Variants in SNX29 observed in about 807,000 individuals in gnomAD.
SNX29 encodes the protein sorting nexin 29.
Under a neutral mutation model 102.1 loss-of-function variants are expected in SNX29, and 78 were observed. The ratio of observed to expected loss-of-function variants is 0.76; its 90% CI spans 0.64 to 0.92. The LOEUF is 0.92. Among genes scored for constraint, SNX29 ranks in the 40% least tolerant of loss-of-function variants. The pLI, the probability that SNX29 is intolerant of heterozygous loss-of-function variation, is 0.00. For missense variants in SNX29, 1,280 were observed against 1,061.7 expected (o/e 1.21, Z -2.86); for synonymous variants, 580 against 414.5 (o/e 1.40, Z -4.85).
At chr16:12,061,401 C>G in intron 8 of SNX29, 127 bp from the exon 9 acceptor site, 1 of 708,410 alleles carries the variant, frequency 1.4e-6, no homozygotes, top group Non-Finnish European at 2.4e-6. Context: ...CCAGCCCACA[C>G]CTCCTTCTGT....
intron 3 of SNX29, among the ~76,000 whole-genome samples, chr16:12,007,986 C>G (rs1044771829): frequency 2.5e-4 from 38 of 152,198 alleles, no homozygotes; most frequent in African/African-American, 8.9e-4. Flanking sequence ...CTCTGTCACC[C>G]AGGCCGGAGT....
intron 15 of SNX29, among the ~76,000 whole-genome samples, chr16:12,299,779 A>ATTT (rs61233917): frequency 7.6e-6 from 1 of 131,328 alleles, no homozygotes; most frequent in Non-Finnish European, 1.7e-5. Flanking sequence ...CAAATTTCGA[A>ATTT]TTTTTTTTTT....
chr16:12,408,636 C>A (rs571506708), intron 18 of SNX29, among the ~76,000 whole-genome samples: 1 of 152,328 alleles, frequency 6.6e-6, no homozygotes, highest in Non-Finnish European at 1.5e-5. Context: ...GCCTGGTCAA[C>A]ATGGTGAAAC....
Position 12,313,815 on chromosome 16 carries a change from C to G in SNX29, c.1782+35779C>G, listed in dbSNP as rs1476065128. On this transcript the variant is annotated intron_variant, in intron 15 of 20. Transcript: ENST00000566228. ...AGATGATCAGTAAATTAGAGCCAAT[C>G]CAGTTGAATCCTATGACAATGGCTT... 3.9e-5 allele frequency among the ~76,000 whole-genome samples: 6 copies of G among 152,176 alleles called. No individual in the cohort carries two copies. The East Asian group carries it at 1.2e-3, about 29-fold the overall frequency.
At chr16:12,558,354 A>C (rs924885427) in intron 20 of SNX29, among the ~76,000 whole-genome samples, 6 of 152,190 alleles carry the variant, frequency 3.9e-5, no homozygotes, top group Non-Finnish European at 7.3e-5. Context: ...CCCCCTCAGC[A>C]TCACAGCCAT....
chr16:12,461,983 A>ATATATATATATG (rs2086810234), intron 18 of SNX29, among the ~76,000 whole-genome samples: 1 of 49,542 alleles, frequency 2.0e-5, no homozygotes, highest in Non-Finnish European at 3.3e-5. Context: ...AAAAAAATAT[A>ATATATATATATG]TATATATATA....
chr16:12,323,678 T>G (rs2081031938), intron 15 of SNX29, among the ~76,000 whole-genome samples: 2 of 152,122 alleles, frequency 1.3e-5, no homozygotes, highest in South Asian at 4.1e-4. Flanking sequence ...GGTTTCCGAG[T>G]TCCATGCTTG....
At chr16:12,548,230 G>T (rs988322574) in intron 20 of SNX29, among the ~76,000 whole-genome samples, 1 of 152,200 alleles carries the variant, frequency 6.6e-6, no homozygotes, top group East Asian at 1.9e-4. Flanking sequence ...CTGCCACAGT[G>T]TTAGGTTACA....
chr16:12,177,293 C>T (rs2076282136), intron 13 of SNX29, among the ~76,000 whole-genome samples: 1 of 152,150 alleles, frequency 6.6e-6, no homozygotes, highest in Non-Finnish European at 1.5e-5. Flanking sequence ...GTCGGTGTGT[C>T]TAGCTGCTTT....
rs578191597 is a variant in SNX29 at position 12,356,265 on chromosome 16, G to T, written c.1885G>T (p.Asp629Tyr). The T allele has an allele frequency of 1.2e-6, 2 of 1,606,576 alleles. 1 individual carries two copies. The highest frequency in any genetic ancestry group is 1.7e-6 in the Non-Finnish European group (2 of 1,176,834). The change falls in exon 16 of 21, where the codon GAT becomes TAT. Residue 629 changes from aspartate (D) to tyrosine (Y), a missense_variant. By Grantham distance (160) the Asp-to-Tyr change is radical. Coordinates refer to ENST00000566228, the MANE Select transcript of SNX29 (RefSeq NM_032167.5). Reference sequence around the variant, plus strand: ...GTCCCAGATGAGGCAGGAGCTCATCGATCTCCGGGGACCGGTGAGTGTTTC... The same window carrying T: ...GTCCCAGATGAGGCAGGAGCTCATCTATCTCCGGGGACCGGTGAGTGTTTC... ...LVSQMRQELIDLRGPVPGDLS... is the reference protein window; with the variant it reads ...LVSQMRQELIYLRGPVPGDLS...
intron 13 of SNX29, among the ~76,000 whole-genome samples, chr16:12,160,668 T>C (rs1416876999): frequency 6.6e-6 from 1 of 151,666 alleles, no homozygotes; most frequent in Non-Finnish European, 1.5e-5. Context: ...CTTGCAAATA[T>C]GCTAAAAACC....
intron 20 of SNX29, among the ~76,000 whole-genome samples, chr16:12,537,753 T>A (rs1185046612): frequency 2.6e-5 from 4 of 152,144 alleles, no homozygotes; most frequent in Non-Finnish European, 5.9e-5. Flanking sequence ...ACCTCTATCC[T>A]ATGTGGGGTT....
intron 13 of SNX29, among the ~76,000 whole-genome samples, chr16:12,132,970 C>G (rs1469441632): frequency 1.3e-5 from 2 of 152,234 alleles, no homozygotes; most frequent in Admixed American, 1.3e-4. Context: ...AAGCAACTGT[C>G]AGTGTTGGCT....
rs143312098 is a variant in SNX29 at position 12,003,403 on chromosome 16, C to T, written c.122+360C>T. Reference sequence around the variant, plus strand: ...GGGAAATGGTTAATAAAATATAGTGCATTAATGGGGTGGAATGTTATATAG... The same window carrying T: ...GGGAAATGGTTAATAAAATATAGTGTATTAATGGGGTGGAATGTTATATAG... On this transcript the variant is annotated intron_variant, in intron 3 of 20. Transcript: ENST00000566228. Among the ~76,000 whole-genome samples, 17 of 152,230 alleles carry T rather than the reference C, an allele frequency of 1.1e-4. No individual in the cohort carries two copies. In the East Asian group the frequency reaches 3.1e-3, roughly 28 times the overall value.
At chr16:12,340,790 A>T (rs867422638) in intron 15 of SNX29, among the ~76,000 whole-genome samples, 3 of 152,154 alleles carry the variant, frequency 2.0e-5, no homozygotes, top group Admixed American at 6.5e-5. Flanking sequence ...GCATTGAAGC[A>T]TCTTTGTGGG....
At chr16:12,289,518 C>T (rs1287173970) in intron 15 of SNX29, among the ~76,000 whole-genome samples, 1 of 152,112 alleles carries the variant, frequency 6.6e-6, no homozygotes, top group Non-Finnish European at 1.5e-5. Context: ...GGTGGTGGCG[C>T]TGGGCCCTGA....
At chr16:12,013,536 T>G (rs1400652668) in intron 3 of SNX29, among the ~76,000 whole-genome samples, 7 of 109,782 alleles carry the variant, frequency 6.4e-5, no homozygotes, top group African/African-American at 2.4e-4. Context: ...TATATATATA[T>G]ATATATCGAG....
rs536588654 is a variant in SNX29 at position 12,568,894 on chromosome 16, G to A, written c.*265G>A. On this transcript the variant is annotated 3_prime_UTR_variant, in exon 21 of 21. Coordinates refer to ENST00000566228, the MANE Select transcript of SNX29 (RefSeq NM_032167.5). ...CTGCTTCTGGGGTCTACCCTGGGCT[G>A]CAAGGGCTGTTCCTCCACCTTTCTG... is the stretch of plus-strand genomic sequence containing the variant. 2.0e-4 allele frequency: 101 copies of A among 504,996 alleles called. 3 individuals are homozygous for A. The South Asian group carries it at 2.8e-3, about 14-fold the overall frequency. 31.3% of individuals were successfully genotyped at this position (504,996 alleles called of 1,614,324 possible). A position where few individuals can be genotyped will look rare whatever the true frequency, so the allele number is the denominator to read the frequency against.
At chr16:12,135,780 T>C (rs1022336143) in intron 13 of SNX29, 1 of 419,150 alleles carries the variant, frequency 2.4e-6, no homozygotes, top group Non-Finnish European at 4.4e-6. Context: ...ATAAGAGTCC[T>C]GACTGAAGAG....
Sources: gnomAD v4.1 joint callset for allele counts (sites outside exome capture counted in the v4.1 genomes callset) on GRCh38, gnomAD v4.1.1 for gene constraint, MANE v1.5 for transcripts, NCBI Gene and HGNC (gene_info 2026-07-23, HGNC 2026-07-21) for gene names.